SGCZ: variants seen among roughly 807,000 people sequenced by gnomAD.
SGCZ encodes zeta-sarcoglycan.
SGCZ carries 40 observed loss-of-function variants against 41.3 expected under a neutral mutation model. The ratio of observed to expected loss-of-function variants is 0.97; its 90% CI spans 0.75 to 1.26. The LOEUF is 1.26. SGCZ is among the 50% of genes most tolerant of loss of function. SGCZ has a pLI of 0.00. For missense variants in SGCZ, 552 were observed against 369.8 expected, an observed-to-expected ratio of 1.49 and a Z score of -4.04; for synonymous variants, 206 against 137.5, an observed-to-expected ratio of 1.50 and a Z score of -3.49.
intron 4 of SGCZ, among the ~76,000 whole-genome samples, chr8:14,198,625 A>T (rs1356056711): frequency 6.6e-6 from 1 of 152,104 alleles, no homozygotes; most frequent in Non-Finnish European, 1.5e-5. Flanking sequence ...AAAAGAACTG[A>T]TCTTTTTAAA....
At chr8:14,311,193 G>C (rs1163661046) in intron 3 of SGCZ, among the ~76,000 whole-genome samples, 2 of 152,092 alleles carry the variant, frequency 1.3e-5, no homozygotes, top group African/African-American at 4.8e-5. Context: ...CAGTAATTTA[G>C]TGTAGAGGAC....
rs140100801 is a variant in SGCZ, at chr8:14,336,896, C to A, written c.235-12692G>T. Among the ~76,000 whole-genome samples, 469 of 152,218 alleles carry A rather than the reference C, an allele frequency of 3.1e-3. 3 individuals carry two copies. The highest frequency in any genetic ancestry group is 5.0e-4 in the Non-Finnish European group (34 of 68,010). On this transcript the variant is annotated intron_variant, in intron 2 of 7. Coordinates refer to ENST00000382080, the MANE Select transcript of SGCZ (RefSeq NM_139167.4). ...GTATCTCATCCTGGACTCTTCATTTCTAATCCTCATAATGGACCAGTCACC... is the reference window on the plus strand; with the variant it reads ...GTATCTCATCCTGGACTCTTCATTTATAATCCTCATAATGGACCAGTCACC...
At chr8:14,270,368 T>G (rs1210858168) in intron 3 of SGCZ, among the ~76,000 whole-genome samples, 16 of 151,952 alleles carry the variant, frequency 1.1e-4, no homozygotes, top group Admixed American at 1.1e-3. Context: ...ATCTAAACGA[T>G]ATGTACAAAT....
At chr8:14,170,425 A>G (rs186094099) in intron 4 of SGCZ, among the ~76,000 whole-genome samples, 2 of 152,246 alleles carry the variant, frequency 1.3e-5, no homozygotes, top group East Asian at 1.9e-4. Context: ...CTAAAATAAT[A>G]ATATTAATAA....
chr8:14,443,185 T>C (rs1800324202), intron 2 of SGCZ, among the ~76,000 whole-genome samples: 1 of 152,094 alleles, frequency 6.6e-6, no homozygotes, highest in South Asian at 2.1e-4. Context: ...GGAAGAATAT[T>C]CCATGCTCAT....
At chr8:15,089,494 T>C (rs1454264577) in intron 1 of SGCZ, among the ~76,000 whole-genome samples, 1 of 151,786 alleles carries the variant, frequency 6.6e-6, no homozygotes, top group East Asian at 1.9e-4. Flanking sequence ...AAAATGAAGT[T>C]TTACCATACA....
At chr8:14,938,596 T>C (rs7004153) in intron 1 of SGCZ, among the ~76,000 whole-genome samples, 31,557 of 152,162 alleles carry the variant, frequency 0.21, 3,719 homozygotes, top group East Asian at 0.35. Context: ...GTAAAGCTTC[T>C]AGTCAACAGT....
intron 2 of SGCZ, among the ~76,000 whole-genome samples, chr8:14,462,722 A>T (rs1203546647): frequency 6.6e-6 from 1 of 151,708 alleles, no homozygotes; most frequent in Non-Finnish European, 1.5e-5. Flanking sequence ...ATTCTATATA[A>T]ATTTTAGGAT....
intron 1 of SGCZ, among the ~76,000 whole-genome samples, chr8:14,933,170 C>T (rs538934770): frequency 6.6e-6 from 1 of 151,874 alleles, no homozygotes; most frequent in Non-Finnish European, 1.5e-5. Flanking sequence ...AATTGTACAG[C>T]AAACGTCAGA....
intron 2 of SGCZ, among the ~76,000 whole-genome samples, chr8:14,333,457 C>G (rs1288068764): frequency 3.3e-5 from 5 of 151,902 alleles, no homozygotes; most frequent in Admixed American, 6.6e-5. Flanking sequence ...ACTAAAGGTT[C>G]ACTATTAGCA....
At chr8:14,759,602 T>C (rs1799797054) in intron 1 of SGCZ, among the ~76,000 whole-genome samples, 1 of 151,966 alleles carries the variant, frequency 6.6e-6, no homozygotes, top group Admixed American at 6.6e-5. Flanking sequence ...TCATAGAGAG[T>C]CTATTACTGG....
In SGCZ at chr8:14,236,710, G is replaced by A. The variant is rs543016230; in HGVS notation, c.424+882C>T. On this transcript the variant is annotated intron_variant, in intron 4 of 7. Transcript: ENST00000382080. ...TAACTAGATAGAGATAAACAGATAT[G>A]TAATGTTTATGGTAAGTAATTTCTC... Among the ~76,000 whole-genome samples the A allele has an allele frequency of 2.0e-5, 3 of 151,514 alleles. No individual in the cohort carries two copies. In the East Asian group the frequency reaches 5.9e-4, roughly 30 times the overall value.
intron 1 of SGCZ, among the ~76,000 whole-genome samples, chr8:14,779,002 C>G (rs1800500008): frequency 6.6e-6 from 1 of 152,216 alleles, no homozygotes; most frequent in South Asian, 2.1e-4. Context: ...CATGCATATA[C>G]AAGGAAATAT....
chr8:15,012,896 A>G (rs1264654565), intron 1 of SGCZ, among the ~76,000 whole-genome samples: 1 of 150,844 alleles, frequency 6.6e-6, no homozygotes, highest in Non-Finnish European at 1.5e-5. Flanking sequence ...AGGCCAGAAG[A>G]TGGTATTTGG....
intron 1 of SGCZ, among the ~76,000 whole-genome samples, chr8:14,879,595 G>GACACACAC (rs33933535): frequency 1.1e-4 from 16 of 147,116 alleles, no homozygotes; most frequent in South Asian, 2.2e-4. Context: ...CAGACACACA[G>GACACACAC]ACACACACAC....
At chr8:14,746,387 A>G (rs1397247119) in intron 1 of SGCZ, among the ~76,000 whole-genome samples, 1 of 152,168 alleles carries the variant, frequency 6.6e-6, no homozygotes, top group Non-Finnish European at 1.5e-5. Flanking sequence ...ACTAATAATA[A>G]TAGACAAGTC....
chr8:14,226,996 C>T (rs940972283), intron 4 of SGCZ, among the ~76,000 whole-genome samples: 3 of 151,996 alleles, frequency 2.0e-5, no homozygotes, highest in East Asian at 1.9e-4. Context: ...ATACATTTAC[C>T]TATAATACTC....
At chr8:14,816,611 C>A (rs1801909167) in intron 1 of SGCZ, among the ~76,000 whole-genome samples, 1 of 152,140 alleles carries the variant, frequency 6.6e-6, no homozygotes, top group Non-Finnish European at 1.5e-5. Context: ...CTCAGTTATA[C>A]TAAGTTACTC....
intron 1 of SGCZ, among the ~76,000 whole-genome samples, chr8:15,220,046 T>C (rs1801539951): frequency 6.6e-6 from 1 of 152,178 alleles, no homozygotes; most frequent in Non-Finnish European, 1.5e-5. Context: ...GGATCTATAA[T>C]ATACATATAA....
Sources: gnomAD v4.1 joint callset for allele counts (sites outside exome capture counted in the v4.1 genomes callset) on GRCh38, gnomAD v4.1.1 for gene constraint, MANE v1.5 for transcripts, NCBI Gene and HGNC (gene_info 2026-07-23, HGNC 2026-07-21) for gene names.